URM1: variants seen among roughly 807,000 people sequenced by gnomAD.
URM1 encodes the protein ubiquitin-related modifier 1.
Under a neutral mutation model 17.7 loss-of-function variants are expected in URM1, and 11 were observed. That is an observed-to-expected ratio of 0.62 (90% CI 0.39 to 1.03). URM1 has a LOEUF of 1.03. Ranked by LOEUF, URM1 falls within the 50% of genes least tolerant of loss-of-function variation. The pLI, the probability that URM1 is intolerant of heterozygous loss-of-function variation, is 0.00. For synonymous variants in URM1, 48 were observed against 50.6 expected (o/e 0.95, Z 0.22); for missense variants, 128 against 129.2 (o/e 0.99, Z 0.04).
Position 128,391,187 on chromosome 9 carries a change from CTA to C in URM1, c.*1455_*1456del, listed in dbSNP as rs1399897832. 1.3e-5 allele frequency: 2 copies of C among 152,246 alleles called. No homozygotes were observed. Among genetic ancestry groups the C allele is most frequent in the African/African-American group, 4.8e-5 (2 of 41,466 alleles). The allele number at this position is 152,246 out of a possible 1,614,324, so 9.4% of individuals were successfully genotyped here. On this transcript the variant is annotated 3_prime_UTR_variant, in exon 5 of 5. Coordinates refer to ENST00000372853, the MANE Select transcript of URM1 (RefSeq NM_030914.4). ...CCCACCCAAAATGTTGCTTTTCATT[CTA>C]TGTCAATAATTTAAGGTGGAATTTC...
chr9:128,371,435 C>G lies in URM1; in HGVS notation c.35+20C>G. 6.2e-7 allele frequency: 1 copy of G among 1,610,568 alleles called. No individual in the cohort carries two copies. Among genetic ancestry groups the G allele is most frequent in the Non-Finnish European group, 8.5e-7 (1 of 1,177,784 alleles). ...GTTCGGGTGAGTCACAGAGCTGGGGCGCCGTGGGGATGGATTGAAGTCGTC... is the reference window on the plus strand; with the variant it reads ...GTTCGGGTGAGTCACAGAGCTGGGGGGCCGTGGGGATGGATTGAAGTCGTC... On this transcript the variant is annotated intron_variant, in intron 1 of 4. Transcript: ENST00000372853.
At chr9:128,372,210 CT>C (rs1833022163) in intron 1 of URM1, among the ~76,000 whole-genome samples, 1 of 152,054 alleles carries the variant, frequency 6.6e-6, no homozygotes, top group Non-Finnish European at 1.5e-5. Context: ...AGAAACAGGC[CT>C]TGAAAGATGG....
rs908087276 is a variant in URM1 at position 128,387,214 on chromosome 9, G to T, written c.107-602G>T. ...GGCGCGGAGGGCTCTGGAAGCACAGGGTGGTGGCAGGGGAGTGGAGCAGGG... is the reference window on the plus strand; with the variant it reads ...GGCGCGGAGGGCTCTGGAAGCACAGTGTGGTGGCAGGGGAGTGGAGCAGGG... On this transcript the variant is annotated intron_variant, in intron 2 of 4. Transcript: ENST00000372853. The surrounding 1 kb of genome is among the most constrained non-coding windows in gnomAD (Gnocchi z 4.3). Among the ~76,000 whole-genome samples, 2 of 152,250 alleles carry T rather than the reference G, an allele frequency of 1.3e-5. No individual in the cohort carries two copies. Among genetic ancestry groups the T allele is most frequent in the African/African-American group, 4.8e-5 (2 of 41,462 alleles).
rs1260313283 is a variant in URM1, at chr9:128,387,757, G to A, written c.107-59G>A. The A allele has an allele frequency of 6.2e-7, 1 of 1,610,680 alleles. No homozygotes were observed. Among genetic ancestry groups the A allele is most frequent in the Non-Finnish European group, 8.5e-7 (1 of 1,177,744 alleles). On this transcript the variant is annotated intron_variant, in intron 2 of 4. Transcript: ENST00000372853. This position sits in a 1 kb window ranked among gnomAD's most constrained non-coding sequence, Gnocchi z 4.3. ...TTCCTTGTGGGCCAGGCAAGGCTCT[G>A]GGGGTGGGCAGGTGCTATTTGGGTT...
At position 128,371,423 on chromosome 9, in the gene URM1, A is replaced by G; in HGVS notation, c.35+8A>G. The G allele has an allele frequency of 1.2e-6, 2 of 1,612,710 alleles. No homozygotes were observed. On this transcript the variant is annotated splice_region_variant and intron_variant, in intron 1 of 4. Transcript: ENST00000372853. ...AGTGGAGGTGGAGTTCGGGTGAGTC[A>G]CAGAGCTGGGGCGCCGTGGGGATGG...
chr9:128,388,535 G>T, intron 3 of URM1: 1 of 985,952 alleles, frequency 1.0e-6, no homozygotes, highest in Non-Finnish European at 1.2e-6. Context: ...TATTTGCCTC[G>T]AAGCATAGGT....
At chr9:128,378,722 A>G (rs1833114853) in intron 2 of URM1, among the ~76,000 whole-genome samples, 1 of 151,988 alleles carries the variant, frequency 6.6e-6, no homozygotes, top group Non-Finnish European at 1.5e-5. Context: ...TGGGGGGCCG[A>G]GGCGGACGGA....
In URM1 at chr9:128,374,278, G is replaced by C. The variant is rs1375378208; in HGVS notation, c.35+2863G>C. On this transcript the variant is annotated intron_variant, in intron 1 of 4. Transcript: ENST00000372853. ...ACAGGTCACTCTCTGAGCGAGACTG[G>C]TTCTCCCTTCATCCGCTTGTAAAGG... 2.6e-5 allele frequency among the ~76,000 whole-genome samples: 4 copies of C among 152,184 alleles called. No homozygotes were observed. In the East Asian group the frequency reaches 7.7e-4, roughly 29 times the overall value.
At chr9:128,372,421 A>G (rs1935809634) in intron 1 of URM1, among the ~76,000 whole-genome samples, 1 of 151,954 alleles carries the variant, frequency 6.6e-6, no homozygotes, top group Admixed American at 6.6e-5. Flanking sequence ...CATTTCTTTC[A>G]TGTTTTCCCT....
Position 128,378,036 on chromosome 9 carries a change from A to G in URM1, c.36A>G (p.Gly12=). The change falls in exon 2 of 5, where the codon GGA becomes GGG. Residue 12 remains glycine, a splice_region_variant and synonymous_variant. Transcript: ENST00000372853. ...AAPLSVEVEF[G]GGAELLFDGI... ...CTTTTTCTCTGGTCCTCCTTTGCAG[A>G]GGTGGTGCGGAGCTCCTGTTTGACG... 1 of 1,611,592 alleles carries G rather than the reference A, an allele frequency of 6.2e-7. No homozygotes were observed. The highest frequency in any genetic ancestry group is 8.5e-7 in the Non-Finnish European group (1 of 1,178,958).
chr9:128,374,838 G>A (rs541638594), intron 1 of URM1, among the ~76,000 whole-genome samples: 6 of 152,354 alleles, frequency 3.9e-5, no homozygotes, highest in Admixed American at 3.9e-4. Flanking sequence ...GGCGCTGAAA[G>A]AGCCCTGGCG....
chr9:128,375,599 G>A (rs577970158), intron 1 of URM1, among the ~76,000 whole-genome samples: 15 of 151,768 alleles, frequency 9.9e-5, no homozygotes, highest in East Asian at 7.7e-4. Flanking sequence ...TCACTGTGTC[G>A]CCCAGGCTGC....
intron 2 of URM1, among the ~76,000 whole-genome samples, chr9:128,380,811 TG>T (rs545613646): frequency 9.2e-5 from 14 of 151,684 alleles, no homozygotes; most frequent in East Asian, 5.8e-4. Context: ...AATTTGTGTA[TG>T]TTTTTTTTTG....
Position 128,385,237 on chromosome 9 carries a change from C to T in URM1, c.107-2579C>T, listed in dbSNP as rs1354103862. Among the ~76,000 whole-genome samples, 41 of 152,150 alleles carry T rather than the reference C, an allele frequency of 2.7e-4. 1 individual carries two copies. Among genetic ancestry groups the T allele is most frequent in the Admixed American group, 2.6e-3 (40 of 15,282 alleles). On this transcript the variant is annotated intron_variant, in intron 2 of 4. Transcript: ENST00000372853. ...TCCTTCTGTCCAGAATGCTCCCCACCCCACTCATCCTTCAGACCCGAGCTT... is the reference window on the plus strand; with the variant it reads ...TCCTTCTGTCCAGAATGCTCCCCACTCCACTCATCCTTCAGACCCGAGCTT...
intron 2 of URM1, among the ~76,000 whole-genome samples, chr9:128,381,087 G>A (rs1833154359): frequency 6.6e-6 from 1 of 152,088 alleles, no homozygotes; most frequent in Admixed American, 6.5e-5. Context: ...GCCTCCCAAA[G>A]TGCTGGGATT....
intron 1 of URM1, among the ~76,000 whole-genome samples, chr9:128,376,233 C>T (rs1229924410): frequency 1.3e-5 from 2 of 151,946 alleles, no homozygotes; most frequent in African/African-American, 2.4e-5. Flanking sequence ...TGTGGTGACA[C>T]GTGCCTGTGG....
chr9:128,386,424 G>C (rs1833228311), intron 2 of URM1, among the ~76,000 whole-genome samples: 1 of 152,220 alleles, frequency 6.6e-6, no homozygotes, highest in Non-Finnish European at 1.5e-5. Context: ...TGAAGACTCT[G>C]ATCTGCTTTG....
intron 2 of URM1, among the ~76,000 whole-genome samples, chr9:128,378,444 G>A (rs1323834288): frequency 1.3e-5 from 2 of 149,132 alleles, no homozygotes; most frequent in East Asian, 4.0e-4. Context: ...GGCTGAGGCA[G>A]GAGAATTGCT....
intron 2 of URM1, among the ~76,000 whole-genome samples, chr9:128,383,321 C>A (rs1833183582): frequency 2.0e-5 from 3 of 152,102 alleles, no homozygotes. Flanking sequence ...CCATTCTTAC[C>A]CCCATTCACT....
Sources: allele counts gnomAD v4.1 joint callset (sites outside exome capture counted in the v4.1 genomes callset), GRCh38; gene constraint gnomAD v4.1.1; non-coding constraint Gnocchi (gnomAD v3.1); transcripts MANE v1.5; gene names NCBI Gene and HGNC (gene_info 2026-07-23, HGNC 2026-07-21).